The following CSMD1 variants were observed in gnomAD, a reference collection of about 807,000 sequenced individuals.
The protein encoded by CSMD1 is CUB and Sushi multiple domains 1, also known as CUB and sushi domain-containing protein 1.
Under a neutral mutation model 417.5 loss-of-function variants are expected in CSMD1, and 213 were observed. The ratio of observed to expected loss-of-function variants is 0.51; its 90% confidence interval spans 0.46 to 0.57. CSMD1 has a LOEUF of 0.57. CSMD1 is among the 20% of genes least tolerant of loss of function. The pLI, the probability that CSMD1 is intolerant of heterozygous loss-of-function variation, is 0.00. For missense variants in CSMD1, 6,923 were observed against 4,529.7 expected (o/e 1.53, Z -15.17); for synonymous variants, 2,862 against 1,736.8 (o/e 1.65, Z -16.11).
At chr8:3,553,916 G>C (rs754349547) in intron 10 of CSMD1, among the ~76,000 whole-genome samples, 6 of 152,132 alleles carry the variant, frequency 3.9e-5, no homozygotes, top group Non-Finnish European at 8.8e-5. Context: ...GTCATGTAAA[G>C]GCAGACTTCT....
At chr8:4,105,757 T>A (rs1801536718) in intron 3 of CSMD1, among the ~76,000 whole-genome samples, 3 of 152,192 alleles carry the variant, frequency 2.0e-5, no homozygotes, top group Admixed American at 1.3e-4. Context: ...AACATAAGCT[T>A]ATTTCTCACT....
chr8:4,143,977 A>C (rs945772764), intron 3 of CSMD1, among the ~76,000 whole-genome samples: 3 of 151,156 alleles, frequency 2.0e-5, no homozygotes, highest in Non-Finnish European at 4.4e-5. Flanking sequence ...AATCCAAGGC[A>C]CTCTCCCTTT....
At chr8:4,599,151 T>C (rs1240328983) in intron 2 of CSMD1, among the ~76,000 whole-genome samples, 6 of 152,172 alleles carry the variant, frequency 3.9e-5, no homozygotes, top group Admixed American at 1.3e-4. Flanking sequence ...AAATCCAACG[T>C]ACTGTATCTG....
At chr8:3,480,332 AG>A (rs1237861224) in intron 11 of CSMD1, among the ~76,000 whole-genome samples, 1 of 152,218 alleles carries the variant, frequency 6.6e-6, no homozygotes, top group Non-Finnish European at 1.5e-5. Flanking sequence ...ACTGCACTCC[AG>A]CCCCCTGGAG....
At chr8:4,646,654 C>G (rs1803535847) in intron 1 of CSMD1, among the ~76,000 whole-genome samples, 1 of 152,140 alleles carries the variant, frequency 6.6e-6, no homozygotes, top group African/African-American at 2.4e-5. Context: ...ATTTCTGCGT[C>G]AACAAGGCAT....
intron 3 of CSMD1, among the ~76,000 whole-genome samples, chr8:4,354,963 C>G (rs1047207148): frequency 2.7e-5 from 4 of 150,834 alleles, no homozygotes; most frequent in African/African-American, 7.3e-5. Context: ...CACCCAAACC[C>G]ATGTTTAGAT....
At chr8:4,318,738 G>C (rs971106897) in intron 3 of CSMD1, among the ~76,000 whole-genome samples, 6 of 147,508 alleles carry the variant, frequency 4.1e-5, no homozygotes. Flanking sequence ...GCCACTCTCT[G>C]TACTGGTTGT....
chr8:4,903,401 A>G lies in CSMD1; in HGVS notation c.85+90931T>C, dbSNP rs111434439. Among the ~76,000 whole-genome samples the G allele has an allele frequency of 2.8e-3, 430 of 152,322 alleles. 5 individuals carry two copies. The highest frequency in any genetic ancestry group is 9.7e-3 in the African/African-American group (403 of 41,582). On this transcript the variant is annotated intron_variant, in intron 1 of 69. Transcript: ENST00000635120. ...AGGAAGCTTCATGTCTTTAAAACGAAGTCCAAGCAGTTGAGTGACTTTTTT... is the reference window on the plus strand; with the variant it reads ...AGGAAGCTTCATGTCTTTAAAACGAGGTCCAAGCAGTTGAGTGACTTTTTT...
At chr8:3,894,858 C>A (rs1486580239) in intron 5 of CSMD1, among the ~76,000 whole-genome samples, 1 of 152,148 alleles carries the variant, frequency 6.6e-6, no homozygotes, top group Non-Finnish European at 1.5e-5. Flanking sequence ...TCTAAAGGAA[C>A]ATTATTTTCA....
intron 3 of CSMD1, among the ~76,000 whole-genome samples, chr8:4,321,352 G>C (rs574549586): frequency 3.3e-5 from 5 of 151,922 alleles, no homozygotes; most frequent in African/African-American, 1.2e-4. Flanking sequence ...CTCCTCTCCC[G>C]CGCTGGCAGT....
At chr8:3,710,835 C>G (rs567508673) in intron 6 of CSMD1, among the ~76,000 whole-genome samples, 12 of 152,266 alleles carry the variant, frequency 7.9e-5, no homozygotes, top group African/African-American at 2.4e-4. Context: ...AGAATTTGAA[C>G]TGAAATCTTC....
rs910372524 is a variant in CSMD1, at chr8:3,765,154, A to G, written c.819-11112T>C. Among the ~76,000 whole-genome samples the G allele has an allele frequency of 2.0e-5, 3 of 152,284 alleles. No homozygotes were observed. In the South Asian group the frequency reaches 6.2e-4, roughly 32 times the overall value. On this transcript the variant is annotated intron_variant, in intron 5 of 69. Coordinates refer to ENST00000635120, the MANE Select transcript of CSMD1 (RefSeq NM_033225.6). ...TTATAATATGAATCGATTTGTTTCT[A>G]GCCTCATTTCTTATCACGCCCTTTC...
At chr8:3,476,708 A>C (rs1472993996) in intron 11 of CSMD1, among the ~76,000 whole-genome samples, 1 of 152,066 alleles carries the variant, frequency 6.6e-6, no homozygotes, top group African/African-American at 2.4e-5. Flanking sequence ...ACTTGAGGTC[A>C]GGAGTTCGAG....
intron 2 of CSMD1, among the ~76,000 whole-genome samples, chr8:4,617,457 G>A (rs1385120767): frequency 6.6e-6 from 1 of 152,138 alleles, no homozygotes; most frequent in Non-Finnish European, 1.5e-5. Flanking sequence ...TAAGGCAAAT[G>A]CCTTGCCAGA....
At chr8:3,772,142 C>G (rs536527789) in intron 5 of CSMD1, among the ~76,000 whole-genome samples, 61 of 142,458 alleles carry the variant, frequency 4.3e-4, no homozygotes, top group African/African-American at 1.6e-3. Flanking sequence ...ACCTCCTTTT[C>G]TCCTTGAATT....
intron 5 of CSMD1, among the ~76,000 whole-genome samples, chr8:3,912,384 C>A (rs543973630): frequency 6.6e-6 from 1 of 152,182 alleles, no homozygotes; most frequent in African/African-American, 2.4e-5. Context: ...AGGCAATCTT[C>A]TAGCCAATTT....
At chr8:4,092,681 TTGAA>T (rs1211564020) in intron 3 of CSMD1, among the ~76,000 whole-genome samples, 1 of 152,188 alleles carries the variant, frequency 6.6e-6, no homozygotes, top group African/African-American at 2.4e-5. Context: ...GTCCTTTTTC[TTGAA>T]TATTTTTCCT....
intron 4 of CSMD1, among the ~76,000 whole-genome samples, chr8:4,030,582 G>C (rs1221179194): frequency 6.6e-6 from 1 of 152,152 alleles, no homozygotes; most frequent in African/African-American, 2.4e-5. Context: ...TATTCTCCTA[G>C]ACCTCCAGGC....
At chr8:4,560,033 A>G (rs1275763556) in intron 2 of CSMD1, among the ~76,000 whole-genome samples, 1 of 152,220 alleles carries the variant, frequency 6.6e-6, no homozygotes, top group African/African-American at 2.4e-5. Context: ...GTTGACAGAC[A>G]GCCTCCACCT....
Sources: gnomAD v4.1 joint callset for allele counts (sites outside exome capture counted in the v4.1 genomes callset) on GRCh38, gnomAD v4.1.1 for gene constraint, MANE v1.5 for transcripts, NCBI Gene and HGNC (gene_info 2026-07-23, HGNC 2026-07-21) for gene names.